PPP2R2B: variants seen among roughly 807,000 people sequenced by gnomAD.
PPP2R2B encodes the protein serine/threonine-protein phosphatase 2A 55 kDa regulatory subunit B beta isoform.
In PPP2R2B, 5 loss-of-function variants were observed where a neutral mutation model predicts 46.0. The ratio of observed to expected loss-of-function variants is 0.11; its 90% CI spans 0.06 to 0.23. PPP2R2B has a LOEUF of 0.23. Among genes scored for constraint, PPP2R2B ranks in the 10% least tolerant of loss-of-function variants. PPP2R2B has a pLI of 1.00. For synonymous variants in PPP2R2B, 215 were observed against 206.7 expected, an observed-to-expected ratio of 1.04 and a Z score of -0.34; for missense variants, 367 against 575.0, an observed-to-expected ratio of 0.64 and a Z score of 3.70.
chr5:146,641,116 C>T (rs1393681199), intron 6 of PPP2R2B, among the ~76,000 whole-genome samples: 2 of 152,170 alleles, frequency 1.3e-5, no homozygotes, highest in East Asian at 3.9e-4. Flanking sequence ...GCCAGGCCTG[C>T]CCTGTGCTAA....
intron 2 of PPP2R2B, among the ~76,000 whole-genome samples, chr5:146,824,729 GAATC>G (rs1758464999): frequency 6.7e-6 from 1 of 149,642 alleles, no homozygotes; most frequent in African/African-American, 2.5e-5. Context: ...AAAAATGCAA[GAATC>G]AATACTTTTT....
At chr5:147,064,677 T>C (rs917597791) in intron 2 of PPP2R2B, among the ~76,000 whole-genome samples, 1 of 152,240 alleles carries the variant, frequency 6.6e-6, no homozygotes, top group Non-Finnish European at 1.5e-5. Context: ...ATCAAAACAA[T>C]CTAGCATATG....
rs116389414 is a variant in PPP2R2B at position 146,668,112 on chromosome 5, T to C, written c.448-17388A>G. 4.5e-3 allele frequency among the ~76,000 whole-genome samples: 690 copies of C among 152,296 alleles called. 6 individuals are homozygous for C. Among genetic ancestry groups the C allele is most frequent in the African/African-American group, 0.016 (664 of 41,578 alleles). On this transcript the variant is annotated intron_variant, in intron 5 of 9. Transcript: ENST00000394411. ...TGACTGCTGCAGTTAACAGAGCTCATCTCATTCCTCCTTTCTTATATGTAC... is the reference window on the plus strand; with the variant it reads ...TGACTGCTGCAGTTAACAGAGCTCACCTCATTCCTCCTTTCTTATATGTAC...
At chr5:147,016,523 G>A (rs1755011936) in intron 1 of PPP2R2B, among the ~76,000 whole-genome samples, 1 of 9,088 alleles carries the variant, frequency 1.1e-4, no homozygotes. Flanking sequence ...ATCCACCTAA[G>A]CTTTTCTAAA....
intron 1 of PPP2R2B, among the ~76,000 whole-genome samples, chr5:146,904,687 T>G (rs1762942930): frequency 6.6e-6 from 1 of 152,206 alleles, no homozygotes; most frequent in South Asian, 2.1e-4. Flanking sequence ...TGAAAGAGAC[T>G]GCTAAAAGTA....
chr5:146,665,682 C>T (rs575515975), intron 5 of PPP2R2B, among the ~76,000 whole-genome samples: 164 of 152,284 alleles, frequency 1.1e-3, no homozygotes, highest in African/African-American at 3.7e-3. Flanking sequence ...CACAAGAGGC[C>T]CAGTGTTGGG....
At chr5:146,847,895 C>T (rs368805657) in intron 2 of PPP2R2B, among the ~76,000 whole-genome samples, 2 of 152,260 alleles carry the variant, frequency 1.3e-5, no homozygotes, top group Non-Finnish European at 1.5e-5. Context: ...CGAGCTCCTG[C>T]GGCTTGGCTT....
At chr5:146,614,700 C>T (rs1282142071) in intron 7 of PPP2R2B, among the ~76,000 whole-genome samples, 2 of 21,052 alleles carry the variant, frequency 9.5e-5, no homozygotes, top group Non-Finnish European at 1.6e-4. Flanking sequence ...AGGACATGAA[C>T]AGACACTTCT....
chr5:146,828,688 C>T (rs1015297522), intron 2 of PPP2R2B, among the ~76,000 whole-genome samples: 2 of 152,134 alleles, frequency 1.3e-5, no homozygotes, highest in Admixed American at 1.3e-4. Context: ...ACAAAACAGA[C>T]AACACTAAAA....
chr5:147,001,037 T>A (rs1284523926), intron 1 of PPP2R2B, among the ~76,000 whole-genome samples: 1 of 152,160 alleles, frequency 6.6e-6, no homozygotes, highest in Non-Finnish European at 1.5e-5. Flanking sequence ...GGTGGGGACT[T>A]GGAGAACTTT....
At chr5:146,610,089 G>A (rs1402452840) in intron 7 of PPP2R2B, among the ~76,000 whole-genome samples, 1 of 57,924 alleles carries the variant, frequency 1.7e-5, no homozygotes, top group South Asian at 1.2e-3. Flanking sequence ...GCAGACTTAA[G>A]TGTCCCTGTC....
At chr5:146,727,971 T>C (rs114218768) in intron 2 of PPP2R2B, among the ~76,000 whole-genome samples, 54 of 152,238 alleles carry the variant, frequency 3.5e-4, no homozygotes, top group African/African-American at 1.2e-3. Flanking sequence ...GATCATGCAG[T>C]ATTTGTGTGC....
intron 8 of PPP2R2B, among the ~76,000 whole-genome samples, chr5:146,593,901 G>A (rs1163779309): frequency 6.6e-6 from 1 of 152,228 alleles, no homozygotes; most frequent in Non-Finnish European, 1.5e-5. Context: ...AAGGCAAAGG[G>A]AGGGAGACCA....
intron 1 of PPP2R2B, among the ~76,000 whole-genome samples, chr5:146,970,668 C>A (rs1441791511): frequency 6.6e-6 from 1 of 152,002 alleles, no homozygotes; most frequent in East Asian, 1.9e-4. Flanking sequence ...ATATTTAAGT[C>A]ACAGGAAGAG....
intron 2 of PPP2R2B, among the ~76,000 whole-genome samples, chr5:146,796,112 C>T (rs1021868008): frequency 1.3e-5 from 2 of 151,970 alleles, no homozygotes; most frequent in Non-Finnish European, 2.9e-5. Context: ...AATGGTACAC[C>T]AACAGAAAAC....
chr5:147,018,755 C>T (rs1402262235), intron 1 of PPP2R2B, among the ~76,000 whole-genome samples: 1 of 152,164 alleles, frequency 6.6e-6, no homozygotes, highest in Admixed American at 6.6e-5. Flanking sequence ...GTGCTCCATG[C>T]TGGCTTTGGA....
At chr5:146,596,198 G>C (rs369441916) in intron 8 of PPP2R2B, among the ~76,000 whole-genome samples, 1 of 152,144 alleles carries the variant, frequency 6.6e-6, no homozygotes, top group Non-Finnish European at 1.5e-5. Flanking sequence ...TGGAACACAC[G>C]TTGCAGTCTG....
At chr5:146,691,415 T>C (rs1193378887) in intron 4 of PPP2R2B, among the ~76,000 whole-genome samples, 175 bp from the exon 5 acceptor site, 4 of 152,194 alleles carry the variant, frequency 2.6e-5, no homozygotes, top group Admixed American at 6.5e-5. Context: ...GCAGAGCTCA[T>C]ATTTCAAAAC....
In PPP2R2B at chr5:146,993,756, T is replaced by C. The variant is rs898263386; in HGVS notation, c.79+61909A>G. Among the ~76,000 whole-genome samples the C allele has an allele frequency of 5.3e-5, 8 of 152,170 alleles. No individual in the cohort carries two copies. In the East Asian group the frequency reaches 1.2e-3, roughly 22 times the overall value. ...CAATAAATGACACTTGCTATCATCA[T>C]CATAACTGTCATCATTGTCATTGTA... is the stretch of plus-strand genomic sequence containing the variant. On this transcript the variant is annotated intron_variant, in intron 1 of 8. Coordinates refer to the PPP2R2B transcript ENST00000336640.
Sources: gnomAD v4.1 joint callset for allele counts (sites outside exome capture counted in the v4.1 genomes callset) on GRCh38, gnomAD v4.1.1 for gene constraint, MANE v1.5 for transcripts, NCBI Gene and HGNC (gene_info 2026-07-23, HGNC 2026-07-21) for gene names.